TGM1: variants seen among roughly 807,000 people sequenced by gnomAD.
The protein encoded by TGM1 is transglutaminase 1.
A neutral mutation model predicts 88.7 loss-of-function variants in TGM1; 63 were observed. That is an observed-to-expected ratio of 0.71 (90% CI 0.58 to 0.88). The LOEUF (loss-of-function observed/expected upper bound fraction) is 0.88, where lower values mean the gene tolerates loss of function less well. TGM1 is among the 40% of genes least tolerant of loss of function. TGM1 has a pLI of 0.00. For synonymous variants in TGM1, 415 were observed against 431.1 expected (o/e 0.96, Z 0.46); for missense variants, 996 against 1,118.0 (o/e 0.89, Z 1.56).
At chr14:24,252,684 G>A (rs1184112426) in intron 14 of TGM1, among the ~76,000 whole-genome samples, 1 of 152,178 alleles carries the variant, frequency 6.6e-6, no homozygotes, top group African/African-American at 2.4e-5. Flanking sequence ...TGGCCTAATG[G>A]CGAAGGTGGC....
intron 14 of TGM1, among the ~76,000 whole-genome samples, chr14:24,251,037 A>G (rs995150958): frequency 6.6e-6 from 1 of 151,966 alleles, no homozygotes; most frequent in Non-Finnish European, 1.5e-5. Flanking sequence ...TCCCTTTTCT[A>G]CCACTTGTTA....
In TGM1 at chr14:24,260,458, CA is replaced by C; in HGVS notation, c.748del (p.Trp250GlyfsTer80). ...AGACCCCAGCTGCTCACCTGGGCACCAGGGGTTGAAGAGGATGTAGATCTCA... is the reference window on the plus strand; with the variant it reads ...AGACCCCAGCTGCTCACCTGGGCACCGGGGTTGAAGAGGATGTAGATCTCA... Reference protein sequence around the residue: ...RNEIYILFNPWCPEDIVYVDH... With the variant: ...RNEIYILFNPXCPEDIVYVDH... On this transcript the variant is annotated frameshift_variant, in exon 4 of 15. Coordinates refer to ENST00000206765, the MANE Select transcript of TGM1 (RefSeq NM_000359.3). LOFTEE classifies it high-confidence loss of function. 6.2e-7 allele frequency: 1 copy of C among 1,614,214 alleles called. No homozygotes were observed. The highest frequency in any genetic ancestry group is 1.1e-5 in the South Asian group (1 of 91,084).
At position 24,255,691 on chromosome 14, in the gene TGM1, G is replaced by A. The variant is rs755121925; in HGVS notation, c.1492-174C>T. 6.6e-6 allele frequency among the ~76,000 whole-genome samples: 1 copy of A among 152,206 alleles called. No individual in the cohort carries two copies. The highest frequency in any genetic ancestry group is 1.5e-5 in the Non-Finnish European group (1 of 68,044). On this transcript the variant is annotated intron_variant, in intron 10 of 14. Coordinates refer to ENST00000206765, the MANE Select transcript of TGM1 (RefSeq NM_000359.3). The surrounding 1 kb of genome is among the most constrained non-coding windows in gnomAD (Gnocchi z 4.0). The stretch of plus-strand genomic sequence containing the variant: ...TTCCAAGACGAGCCAGACGAGGCCA[G>A]AGTGCAGGGAAGAAGCTGGTCTGGG...
intron 9 of TGM1, 54 bp downstream of exon 9, chr14:24,258,231 A>G (rs184647322): frequency 2.3e-4 from 341 of 1,458,414 alleles, no homozygotes; most frequent in Admixed American, 3.9e-4. Context: ...GACTGTGTTA[A>G]TCAGGTGGGG....
chr14:24,260,865 C>G (rs924309706), intron 3 of TGM1, among the ~76,000 whole-genome samples, 167 bp from the exon 4 acceptor site: 5 of 152,222 alleles, frequency 3.3e-5, no homozygotes, highest in African/African-American at 1.2e-4. Flanking sequence ...AGCTCTGTCT[C>G]CACCCAATGC....
At chr14:24,260,752 G>A in intron 3 of TGM1, 54 bp from the exon 4 acceptor site, 1 of 1,612,764 alleles carries the variant, frequency 6.2e-7, no homozygotes, top group Non-Finnish European at 8.5e-7. Context: ...GAGAGGGGAT[G>A]GAGCCTGGGA....
At chr14:24,254,432 G>A (rs1347832490) in intron 13 of TGM1, 144 bp from the exon 14 acceptor site, 2 of 1,347,450 alleles carry the variant, frequency 1.5e-6, no homozygotes, top group African/African-American at 2.9e-5. Flanking sequence ...AGATTCCCCA[G>A]AAGTCAGAGA....
Position 24,259,487 on chromosome 14 carries a change from T to C in TGM1, c.984+217A>G, listed in dbSNP as rs1355792864. Among the ~76,000 whole-genome samples, 2 of 152,140 alleles carry C rather than the reference T, an allele frequency of 1.3e-5. No homozygotes were observed. Among genetic ancestry groups the C allele is most frequent in the East Asian group, 3.9e-4 (2 of 5,184 alleles). ...GTGTGCCAAGTTTTGGGTTTGGCCC[T>C]ACATTCCACAGGAGCTGGGACAGGA... On this transcript the variant is annotated intron_variant, in intron 6 of 14. Transcript: ENST00000206765. This position sits in a 1 kb window ranked among gnomAD's most constrained non-coding sequence, Gnocchi z 5.7.
chr14:24,261,646 C>A (rs2040809233), intron 3 of TGM1, 49 bp downstream of exon 3: 1 of 1,611,546 alleles, frequency 6.2e-7, no homozygotes, highest in Admixed American at 1.7e-5. Context: ...GCCAGCCTCT[C>A]CCCACCAAAC....
At chr14:24,250,848 T>C (rs1594564165) in intron 14 of TGM1, among the ~76,000 whole-genome samples, 1 of 152,246 alleles carries the variant, frequency 6.6e-6, no homozygotes, top group African/African-American at 2.4e-5. Context: ...ACCTTACCTC[T>C]GGTGCCCTAT....
chr14:24,251,884 C>A (rs973570286), intron 14 of TGM1, among the ~76,000 whole-genome samples: 1 of 152,148 alleles, frequency 6.6e-6, no homozygotes, highest in Admixed American at 6.5e-5. Flanking sequence ...TCAAATCTAC[C>A]CCTAAGAAGG....
At position 24,260,110 on chromosome 14, in the gene TGM1, C is replaced by G. The variant is rs753343908; in HGVS notation, c.758-52G>C. 8 of 1,510,890 alleles carry G rather than the reference C, an allele frequency of 5.3e-6. No individual in the cohort carries two copies. The South Asian group carries it at 9.0e-5, about 17-fold the overall frequency. 93.6% of individuals were successfully genotyped at this position (1,510,890 alleles called of 1,614,324 possible). A position where few individuals can be genotyped will look rare whatever the true frequency, so the allele number is the denominator to read the frequency against. The stretch of plus-strand genomic sequence containing the variant: ...GTTCCCTCCAGTTCTCTCCCTGGGC[C>G]TCACCTACTTCTGGCCAGTTCTGCA... On this transcript the variant is annotated intron_variant, in intron 4 of 14. Transcript: ENST00000206765.
intron 14 of TGM1, among the ~76,000 whole-genome samples, chr14:24,253,404 G>GT (rs1023378623): frequency 3.7e-4 from 56 of 152,230 alleles, no homozygotes; most frequent in African/African-American, 1.3e-3. Context: ...AGCTGAACCC[G>GT]TATCATTAGG....
At chr14:24,262,441 T>A in intron 1 of TGM1, 87 bp from the exon 2 acceptor site, 1 of 1,412,184 alleles carries the variant, frequency 7.1e-7, no homozygotes, top group Non-Finnish European at 9.8e-7. Flanking sequence ...GCTGATTCAG[T>A]CCCACCCGAT....
In TGM1 at chr14:24,260,771, G is replaced by C. The variant is rs1004076485; in HGVS notation, c.509-73C>G. The C allele has an allele frequency of 3.7e-6, 6 of 1,600,042 alleles. No individual in the cohort carries two copies. In the Admixed American group the frequency reaches 1.0e-4, roughly 27 times the overall value. ...GGGGATGGAGCCTGGGACTTCTCCC[G>C]GCCCCACCCACAATGTGTATGAGCC... On this transcript the variant is annotated intron_variant, in intron 3 of 14. Coordinates refer to ENST00000206765, the MANE Select transcript of TGM1 (RefSeq NM_000359.3).
chr14:24,254,589 C>A, intron 13 of TGM1, 75 bp downstream of exon 13: 1 of 1,606,492 alleles, frequency 6.2e-7, no homozygotes, highest in Non-Finnish European at 8.5e-7. Context: ...GCTGGCTTAG[C>A]GCCCACCTCT....
chr14:24,251,364 C>T (rs2040699532), intron 14 of TGM1, among the ~76,000 whole-genome samples: 1 of 152,140 alleles, frequency 6.6e-6, no homozygotes, highest in South Asian at 2.1e-4. Context: ...TTACTCTATA[C>T]CATAATTGAA....
rs2040745892 is a variant in TGM1 at position 24,255,820 on chromosome 14, C to T, written c.1491+169G>A. Among the ~76,000 whole-genome samples, 1 of 152,240 alleles carries T rather than the reference C, an allele frequency of 6.6e-6. No homozygotes were observed. Among genetic ancestry groups the T allele is most frequent in the East Asian group, 1.9e-4 (1 of 5,178 alleles). ...TCATACCCGTTATCTCTTCTGATCC[C>T]GAGTATAGGAAGCAAGGCAGCCTTG... On this transcript the variant is annotated intron_variant, in intron 10 of 14. Transcript: ENST00000206765. The surrounding 1 kb of genome is among the most constrained non-coding windows in gnomAD (Gnocchi z 4.0).
rs2040678631 is a variant in TGM1, at chr14:24,249,257, T to C, written c.*56A>G. 2 of 1,529,692 alleles carry C rather than the reference T, an allele frequency of 1.3e-6. No individual in the cohort carries two copies. The highest frequency in any genetic ancestry group is 1.8e-6 in the Non-Finnish European group (2 of 1,110,164). The allele number at this position is 1,529,692 out of a possible 1,614,324, so 94.8% of individuals were successfully genotyped here. On this transcript the variant is annotated 3_prime_UTR_variant, in exon 15 of 15. Coordinates refer to ENST00000206765, the MANE Select transcript of TGM1 (RefSeq NM_000359.3). ...GGAGCTGCTCTGTAGTGTGCCCCTATCTTGGGGCAATGTCCTTGCTCATCT... is the reference window on the plus strand; with the variant it reads ...GGAGCTGCTCTGTAGTGTGCCCCTACCTTGGGGCAATGTCCTTGCTCATCT...
Sources: gnomAD v4.1 joint callset for allele counts (sites outside exome capture counted in the v4.1 genomes callset) on GRCh38, gnomAD v4.1.1 for gene constraint, Gnocchi (gnomAD v3.1) non-coding constraint, MANE v1.5 for transcripts, NCBI Gene and HGNC (gene_info 2026-07-23, HGNC 2026-07-21) for gene names.